The following LINGO2 variants were observed in gnomAD, a reference collection of about 807,000 sequenced individuals.
LINGO2 encodes leucine rich repeat and Ig domain containing 2.
A neutral mutation model predicts 30.6 loss-of-function variants in LINGO2; 14 were observed. The observed-to-expected ratio is 0.46, with a 90% CI of 0.30 to 0.72. The LOEUF (loss-of-function observed/expected upper bound fraction) is 0.72. LINGO2 is among the 30% of genes least tolerant of loss of function. LINGO2 has a pLI of 0.07. For missense variants in LINGO2, 729 were observed against 751.7 expected, an observed-to-expected ratio of 0.97 and a Z score of 0.35; for synonymous variants, 317 against 288.5, an observed-to-expected ratio of 1.10 and a Z score of -1.00.
the LINGO2 span, among the ~76,000 whole-genome samples, chr9:28,728,519 G>A: frequency 6.6e-6 from 1 of 151,652 alleles, no homozygotes; most frequent in East Asian, 1.9e-4. Flanking sequence ...GAGGTAAGGA[G>A]ATGCAAAAAA....
chr9:28,467,869 C>T lies in LINGO2; in HGVS notation c.-279+8071G>A, dbSNP rs556346699. On this transcript the variant is annotated intron_variant, in intron 2 of 5. Coordinates refer to ENST00000379992, the Ensembl canonical transcript of LINGO2. ...GAATAACTAACTAATTCTGCTTTCCCTGTTTGAAAGGCTTATAACATATTT... is the reference window on the plus strand; with the variant it reads ...GAATAACTAACTAATTCTGCTTTCCTTGTTTGAAAGGCTTATAACATATTT... Among the ~76,000 whole-genome samples, 6 of 152,118 alleles carry T rather than the reference C, an allele frequency of 3.9e-5. No homozygotes were observed. The East Asian group carries it at 9.7e-4, about 25-fold the overall frequency.
chr9:28,677,565 G>A, the LINGO2 span, among the ~76,000 whole-genome samples: 2 of 152,102 alleles, frequency 1.3e-5, no homozygotes, highest in Non-Finnish European at 2.9e-5. Context: ...TCACATACTA[G>A]TCCAGATTCA....
At chr9:29,086,240 G>T in the LINGO2 span, among the ~76,000 whole-genome samples, 1 of 152,106 alleles carries the variant, frequency 6.6e-6, no homozygotes, top group Non-Finnish European at 1.5e-5. Context: ...GGATGTAAGA[G>T]TTAATTAAGA....
intron 5 of LINGO2, among the ~76,000 whole-genome samples, chr9:27,970,735 A>G (rs1012705523): frequency 1.3e-5 from 2 of 152,122 alleles, no homozygotes; most frequent in Non-Finnish European, 2.9e-5. Context: ...TCTTATCAAC[A>G]TTGTTCTAAT....
At chr9:28,030,240 G>A (rs181676187) in intron 4 of LINGO2, among the ~76,000 whole-genome samples, 42 of 152,254 alleles carry the variant, frequency 2.8e-4, no homozygotes, top group Non-Finnish European at 4.7e-4. Context: ...CTTGGAACAT[G>A]AGAAAACACT....
the LINGO2 span, among the ~76,000 whole-genome samples, chr9:29,024,945 C>A: frequency 3.0e-4 from 46 of 152,112 alleles, no homozygotes; most frequent in African/African-American, 1.1e-3. Context: ...AAAAGATGAC[C>A]TCTTCCCTTA....
At chr9:28,967,082 G>GTA in the LINGO2 span, among the ~76,000 whole-genome samples, 2 of 152,094 alleles carry the variant, frequency 1.3e-5, no homozygotes, top group African/African-American at 4.8e-5. Flanking sequence ...TCTGCAAGCT[G>GTA]TGGGACTAGA....
chr9:28,980,700 GTCC>G, the LINGO2 span, among the ~76,000 whole-genome samples: 1 of 152,068 alleles, frequency 6.6e-6, no homozygotes, highest in Non-Finnish European at 1.5e-5. Context: ...TGCTCAGGGA[GTCC>G]TCTGAGTCCA....
At chr9:28,687,446 A>C in the LINGO2 span, among the ~76,000 whole-genome samples, 1 of 152,134 alleles carries the variant, frequency 6.6e-6, no homozygotes, top group South Asian at 2.1e-4. Context: ...TTAAAATGTC[A>C]AAGGCAGAAA....
the LINGO2 span, among the ~76,000 whole-genome samples, chr9:29,014,885 CA>C: frequency 1.3e-5 from 2 of 152,078 alleles, no homozygotes; most frequent in Non-Finnish European, 2.9e-5. Flanking sequence ...ATCTTTTAAT[CA>C]GAGTCAACAA....
the LINGO2 span, among the ~76,000 whole-genome samples, chr9:29,048,719 G>A: frequency 6.6e-6 from 1 of 152,078 alleles, no homozygotes; most frequent in African/African-American, 2.4e-5. Flanking sequence ...CTGGAGAAAA[G>A]ACAATTTTTC....
the LINGO2 span, among the ~76,000 whole-genome samples, chr9:28,786,674 T>C: frequency 1.3e-5 from 2 of 152,120 alleles, no homozygotes; most frequent in Non-Finnish European, 2.9e-5. Context: ...CAAATATGAA[T>C]TAACTACTGT....
At chr9:28,727,064 G>A in the LINGO2 span, among the ~76,000 whole-genome samples, 1 of 151,978 alleles carries the variant, frequency 6.6e-6, no homozygotes, top group South Asian at 2.1e-4. Flanking sequence ...CTAGACCCCT[G>A]ACTAATGCAT....
the LINGO2 span, among the ~76,000 whole-genome samples, chr9:28,712,312 G>C: frequency 6.6e-6 from 1 of 152,036 alleles, no homozygotes; most frequent in Admixed American, 6.6e-5. Context: ...AAATGAACTT[G>C]AAAATGTATG....
At chr9:28,381,326 C>T (rs1449314520) in intron 2 of LINGO2, among the ~76,000 whole-genome samples, 2 of 152,014 alleles carry the variant, frequency 1.3e-5, no homozygotes, top group Non-Finnish European at 2.9e-5. Flanking sequence ...ATTTGGGTGC[C>T]AGTGGCAGCA....
chr9:28,769,487 TATATATATATATATATATATATATATA>T, the LINGO2 span, among the ~76,000 whole-genome samples: 2 of 5,180 alleles, frequency 3.9e-4, no homozygotes, highest in East Asian at 0.019. Flanking sequence ...TATATATATA[TATATATATATATATATATATATATATA>T]TATATTTTTT....
At chr9:28,933,866 A>G in the LINGO2 span, among the ~76,000 whole-genome samples, 5 of 152,216 alleles carry the variant, frequency 3.3e-5, no homozygotes, top group Admixed American at 6.5e-5. Context: ...TCTCTTATAA[A>G]AACTTTTGGC....
At chr9:28,752,333 A>G in the LINGO2 span, among the ~76,000 whole-genome samples, 6 of 152,090 alleles carry the variant, frequency 3.9e-5, no homozygotes, top group Non-Finnish European at 7.4e-5. Flanking sequence ...TTAATTTCCA[A>G]TCAAGGAGAA....
chr9:28,702,382 C>T, the LINGO2 span, among the ~76,000 whole-genome samples: 1 of 151,774 alleles, frequency 6.6e-6, no homozygotes, highest in East Asian at 1.9e-4. Flanking sequence ...TTGATACAAT[C>T]AAGTGGTTTT....
Sources: gnomAD v4.1 joint callset for allele counts (sites outside exome capture counted in the v4.1 genomes callset) on GRCh38, gnomAD v4.1.1 for gene constraint, MANE v1.5 for transcripts, NCBI Gene and HGNC (gene_info 2026-07-23, HGNC 2026-07-21) for gene names.